The following GRHL1 variants were observed in gnomAD, a reference collection of about 807,000 sequenced individuals.
GRHL1 encodes grainyhead-like protein 1 homolog.
Under a neutral mutation model 75.7 loss-of-function variants are expected in GRHL1, and 38 were observed. The observed-to-expected ratio is 0.50, with a 90% CI of 0.39 to 0.66. The LOEUF is 0.66. GRHL1 is among the 30% of genes least tolerant of loss of function. The probability of loss-of-function intolerance (pLI) is 0.00; values close to 1 mark genes in which losing one functional copy is unlikely to be tolerated. For missense variants in GRHL1, 589 were observed against 767.5 expected (o/e 0.77, Z 2.75); for synonymous variants, 266 against 279.4 (o/e 0.95, Z 0.48).
Position 9,964,310 on chromosome 2 carries a change from C to T in GRHL1, c.979C>T (p.Arg327Trp), listed in dbSNP as rs772714074. 16 of 1,609,830 alleles carry T rather than the reference C, an allele frequency of 9.9e-6. No individual in the cohort carries two copies. The highest frequency in any genetic ancestry group is 2.7e-5 in the African/African-American group (2 of 74,938). The change falls in exon 7 of 16, where the codon CGG (arginine) becomes TGG (tryptophan). Residue 327 changes from arginine to tryptophan, a missense_variant. By Grantham distance (101) the Arg-to-Trp change is moderately radical. This residue lies in a region of GRHL1 where 362 missense variants were observed against 461.8 expected (regional missense o/e 0.78). Coordinates refer to ENST00000324907, the MANE Select transcript of GRHL1 (RefSeq NM_198182.3). ...AAGGCATTGGAAGTACTGGCACTCC[C>T]GGCAGCACACCGCTAAACAAAGATG... is the stretch of plus-strand genomic sequence containing the variant. ...QLRHWKYWHS[R>W]QHTAKQRCID...
In GRHL1 at chr2:9,998,667, TACACATATATATACATATATATGTAC is replaced by T. The variant is rs1558320703; in HGVS notation, c.1678-260_1678-235del. On this transcript the variant is annotated intron_variant, in intron 14 of 15. Transcript: ENST00000324907. ...ACACATATACATATACATATATATG[TACACATATATATACATATATATGTAC>T]ACACATATATATACATATATATGTA... Among the ~76,000 whole-genome samples, 16 of 68,908 alleles carry T rather than the reference TACACATATATATACATATATATGTAC, an allele frequency of 2.3e-4. 3 individuals carry two copies. The highest frequency in any genetic ancestry group is 3.3e-4 in the Non-Finnish European group (13 of 39,882). The allele number at this position is 68,908 out of a possible 152,430, so 45.2% of individuals were successfully genotyped here.
chr2:9,996,449 G>GTA, intron 14 of GRHL1, 48 bp downstream of exon 14: 1 of 1,183,582 alleles, frequency 8.4e-7, no homozygotes, highest in Non-Finnish European at 1.3e-6. Flanking sequence ...GAAAGGACAA[G>GTA]TACATAGGAT....
rs1572339123 is a variant in GRHL1, at chr2:9,961,429, T to A, written c.662T>A (p.Val221Asp). Reference sequence around the variant, plus strand: ...TTCTCAGAGACCTTCAAGGAAGGCGTTCAGGAGGTAAGGAAACAAAAACAT... The same window carrying A: ...TTCTCAGAGACCTTCAAGGAAGGCGATCAGGAGGTAAGGAAACAAAAACAT... Reference protein sequence around the residue: ...STFSETFKEGVQEVFFPSDLS... With the variant: ...STFSETFKEGDQEVFFPSDLS... The change falls in exon 4 of 16, where the codon GTT becomes GAT. Residue 221 changes from valine (V) to aspartate (D), a missense_variant. Transcript: ENST00000324907. 6.2e-7 allele frequency: 1 copy of A among 1,602,968 alleles called. No homozygotes were observed. The highest frequency in any genetic ancestry group is 8.5e-7 in the Non-Finnish European group (1 of 1,171,208).
intron 8 of GRHL1, 46 bp downstream of exon 8, chr2:9,965,427 T>C (rs1228423865): frequency 3.1e-6 from 3 of 976,958 alleles, no homozygotes; most frequent in African/African-American, 1.6e-5. Context: ...ATTTGAGAAA[T>C]GGGAGGAGTT....
At chr2:9,954,234 G>A (rs1666915464) in intron 1 of GRHL1, among the ~76,000 whole-genome samples, 1 of 151,844 alleles carries the variant, frequency 6.6e-6, no homozygotes, top group African/African-American at 2.4e-5. Flanking sequence ...TTTATTGTTG[G>A]ATATCCTTAA....
chr2:9,981,122 A>G (rs146432854), intron 8 of GRHL1, among the ~76,000 whole-genome samples: 2 of 152,156 alleles, frequency 1.3e-5, no homozygotes, highest in African/African-American at 4.8e-5. Context: ...GTGTTTCTAC[A>G]CTCGCCATAT....
At chr2:9,998,767 T>TAC (rs200129850) in intron 14 of GRHL1, among the ~76,000 whole-genome samples, 198 bp from the exon 15 acceptor site, 1 of 46,832 alleles carries the variant, frequency 2.1e-5, no homozygotes, top group African/African-American at 1.4e-4. Flanking sequence ...TATATATATG[T>TAC]ACACACATAT....
Position 9,992,384 on chromosome 2 carries a change from A to G in GRHL1, c.1461+238A>G, listed in dbSNP as rs565284901. ...TTATTCTGTTTGTATTCATTCATTC[A>G]TTCGTTCGTTCTTCATACCTACATA... is the stretch of plus-strand genomic sequence containing the variant. On this transcript the variant is annotated intron_variant, in intron 11 of 15. Transcript: ENST00000324907. The surrounding 1 kb of genome is among the most constrained non-coding windows in gnomAD (Gnocchi z 4.6). Among the ~76,000 whole-genome samples, 25 of 152,164 alleles carry G rather than the reference A, an allele frequency of 1.6e-4. No homozygotes were observed. Among genetic ancestry groups the G allele is most frequent in the Non-Finnish European group, 3.2e-4 (22 of 68,022 alleles).
intron 12 of GRHL1, among the ~76,000 whole-genome samples, chr2:9,993,645 G>A (rs915298319): frequency 6.6e-6 from 1 of 152,194 alleles, no homozygotes; most frequent in Admixed American, 6.5e-5. Context: ...TAGTTTGCGT[G>A]TGTCTGCTGC....
chr2:9,999,937 G>A (rs182961563), intron 15 of GRHL1, among the ~76,000 whole-genome samples: 1 of 152,186 alleles, frequency 6.6e-6, no homozygotes, highest in African/African-American at 2.4e-5. Flanking sequence ...TGTGTAATTT[G>A]TCAGGGGGCT....
chr2:9,962,536 T>C lies in GRHL1; in HGVS notation c.746+5T>C. ...TGTTTTTGACAGTGTTTCTGGGTAA[T>C]AGATGTCTTTTAATTTGATTTTTAA... On this transcript the variant is annotated splice_donor_5th_base_variant and intron_variant, in intron 5 of 15. Transcript: ENST00000324907. The C allele has an allele frequency of 6.9e-7, 1 of 1,442,220 alleles. No individual in the cohort carries two copies. The highest frequency in any genetic ancestry group is 1.1e-5 in the South Asian group (1 of 87,402). The allele number at this position is 1,442,220 out of a possible 1,614,324, so 89.3% of individuals were successfully genotyped here.
intron 8 of GRHL1, among the ~76,000 whole-genome samples, chr2:9,971,798 A>T (rs1253055385): frequency 6.6e-6 from 1 of 152,226 alleles, no homozygotes; most frequent in Non-Finnish European, 1.5e-5. Flanking sequence ...TAATTAGCTG[A>T]TACAGAATAA....
chr2:9,966,143 A>T (rs1667483669), intron 8 of GRHL1: 1 of 152,258 alleles, frequency 6.6e-6, no homozygotes, highest in Non-Finnish European at 1.5e-5. Flanking sequence ...CACACTTGTA[A>T]TCCCAGCACT....
intron 14 of GRHL1, among the ~76,000 whole-genome samples, chr2:9,997,667 C>G (rs1232309498): frequency 3.3e-5 from 5 of 151,584 alleles, no homozygotes; most frequent in Admixed American, 6.6e-5. Context: ...ACTAAAAATA[C>G]AAAAAATTAG....
chr2:9,978,119 C>T (rs896443533), intron 8 of GRHL1, among the ~76,000 whole-genome samples: 1 of 152,214 alleles, frequency 6.6e-6, no homozygotes, highest in Non-Finnish European at 1.5e-5. Flanking sequence ...CAGGGTCCCT[C>T]CCTCAACACG....
Position 9,961,062 on chromosome 2 carries a change from G to A in GRHL1, c.295G>A (p.Val99Met). Residue 99 changes from valine to methionine, a missense_variant, in exon 4 of 16, where the codon GTG becomes ATG. By Grantham distance (21) the Val-to-Met change is conservative (BLOSUM62 1). Coordinates refer to ENST00000324907, the MANE Select transcript of GRHL1 (RefSeq NM_198182.3). ...DHSKRNSIPI[V>M]TEQPLISAGE... ...TTCTTAAAGAAACAGCATACCAATT[G>A]TGACAGAGCAGCCCCTCATCTCTGC... The A allele has an allele frequency of 1.3e-6, 2 of 1,548,098 alleles. No individual in the cohort carries two copies. The highest frequency in any genetic ancestry group is 1.7e-6 in the Non-Finnish European group (2 of 1,143,504).
rs150680567 is a variant in GRHL1 at position 9,980,239 on chromosome 2, G to A, written c.1111-5885G>A. Among the ~76,000 whole-genome samples the A allele has an allele frequency of 4.1e-4, 63 of 151,858 alleles. 1 individual carries two copies. In the East Asian group the frequency reaches 9.1e-3, roughly 22 times the overall value. ...GCAGACGCAGCCAGGTGTGAACAGC[G>A]CTTATGTGGCTGCCGCGGTGCTTCC... On this transcript the variant is annotated intron_variant, in intron 8 of 15. Coordinates refer to ENST00000324907, the MANE Select transcript of GRHL1 (RefSeq NM_198182.3).
intron 15 of GRHL1, among the ~76,000 whole-genome samples, chr2:9,999,945 G>T (rs1669200305): frequency 6.6e-6 from 1 of 152,144 alleles, no homozygotes; most frequent in African/African-American, 2.4e-5. Context: ...TTGTCAGGGG[G>T]CTGTGACTTC....
intron 12 of GRHL1, 125 bp from the exon 13 acceptor site, chr2:9,995,750 TAAGG>T: frequency 1.5e-6 from 1 of 649,366 alleles, no homozygotes; most frequent in Non-Finnish European, 2.7e-6. Flanking sequence ...CATCCACAAA[TAAGG>T]AAGCTGGACC....
Sources: allele counts gnomAD v4.1 joint callset (sites outside exome capture counted in the v4.1 genomes callset), GRCh38; gene constraint gnomAD v4.1.1; regional missense constraint gnomAD v4.1.1; non-coding constraint Gnocchi (gnomAD v3.1); transcripts MANE v1.5; gene names NCBI Gene and HGNC (gene_info 2026-07-23, HGNC 2026-07-21).